TBC1D22A: variants seen among roughly 807,000 people sequenced by gnomAD.
The protein encoded by TBC1D22A is putative GTPase activator.
In TBC1D22A, 38 loss-of-function variants were observed where a neutral mutation model predicts 60.2. The observed-to-expected ratio is 0.63, with a 90% CI of 0.49 to 0.83. The LOEUF is 0.83. TBC1D22A is among the 40% of genes least tolerant of loss of function. TBC1D22A has a pLI of 0.00. For missense variants in TBC1D22A, 628 were observed against 701.0 expected (o/e 0.90, Z 1.18); for synonymous variants, 302 against 281.7 (o/e 1.07, Z -0.72).
At chr22:46,813,591 A>G (rs2085471379) in intron 4 of TBC1D22A, among the ~76,000 whole-genome samples, 1 of 152,236 alleles carries the variant, frequency 6.6e-6, no homozygotes, top group African/African-American at 2.4e-5. Context: ...GGGGACCCAA[A>G]GGCTTCTGCT....
At chr22:47,109,535 GC>G (rs2065768001) in intron 11 of TBC1D22A, among the ~76,000 whole-genome samples, 1 of 152,124 alleles carries the variant, frequency 6.6e-6, no homozygotes, top group Admixed American at 6.5e-5. Context: ...CGAATCACTA[GC>G]CACTCTCTGG....
At chr22:46,785,561 T>A (rs10222212) in intron 1 of TBC1D22A, among the ~76,000 whole-genome samples, 1,620 of 152,348 alleles carry the variant, frequency 0.011, 22 homozygotes, top group African/African-American at 0.036. Flanking sequence ...GCATGTTTAT[T>A]GCCTCTAGAA....
At chr22:46,961,040 G>A (rs901156692) in intron 8 of TBC1D22A, among the ~76,000 whole-genome samples, 2 of 148,408 alleles carry the variant, frequency 1.3e-5, no homozygotes, top group Non-Finnish European at 3.0e-5. Context: ...AACAAAACCC[G>A]TGCCCAGGAC....
chr22:46,894,157 C>T (rs756382028), intron 6 of TBC1D22A, among the ~76,000 whole-genome samples: 5 of 152,146 alleles, frequency 3.3e-5, no homozygotes, highest in Admixed American at 2.0e-4. Flanking sequence ...CGTGGGATGT[C>T]GGGAGCCTGC....
chr22:46,804,721 G>A (rs2085054824), intron 4 of TBC1D22A, among the ~76,000 whole-genome samples: 1 of 152,190 alleles, frequency 6.6e-6, no homozygotes, highest in Non-Finnish European at 1.5e-5. Context: ...CCATAGTAAT[G>A]TAAATCTTCA....
At chr22:47,057,089 C>T (rs1030040462) in intron 11 of TBC1D22A, among the ~76,000 whole-genome samples, 1 of 152,224 alleles carries the variant, frequency 6.6e-6, no homozygotes, top group African/African-American at 2.4e-5. Flanking sequence ...GGCATTCTGG[C>T]CTGGGAGTCA....
intron 11 of TBC1D22A, among the ~76,000 whole-genome samples, chr22:47,106,923 C>A (rs1206600384): frequency 6.6e-6 from 1 of 152,114 alleles, no homozygotes; most frequent in Non-Finnish European, 1.5e-5. Flanking sequence ...CAGAGCGAGA[C>A]TCCATCTCAA....
chr22:47,029,245 C>T (rs1443138764), intron 10 of TBC1D22A, among the ~76,000 whole-genome samples: 1 of 140,002 alleles, frequency 7.1e-6, no homozygotes, highest in African/African-American at 2.8e-5. Context: ...AGGGACACAG[C>T]GCTTCCATAC....
chr22:47,151,762 G>A (rs531506705), intron 12 of TBC1D22A, among the ~76,000 whole-genome samples: 2 of 152,360 alleles, frequency 1.3e-5, no homozygotes, highest in South Asian at 4.1e-4. Flanking sequence ...TGGGGTTGAA[G>A]AAGACCCCTG....
intron 7 of TBC1D22A, among the ~76,000 whole-genome samples, chr22:46,908,273 G>T (rs1226529023): frequency 1.3e-5 from 2 of 152,152 alleles, no homozygotes; most frequent in South Asian, 2.1e-4. Flanking sequence ...CACGCATCTG[G>T]GGTGTGCTAT....
Position 46,976,831 on chromosome 22 carries a change from C to T in TBC1D22A, c.1125+2432C>T, listed in dbSNP as rs743606. Among the ~76,000 whole-genome samples, 1,447 of 152,294 alleles carry T rather than the reference C, an allele frequency of 9.5e-3. 24 individuals are homozygous for T. The highest frequency in any genetic ancestry group is 0.033 in the African/African-American group (1,380 of 41,564). On this transcript the variant is annotated intron_variant, in intron 9 of 12. Coordinates refer to ENST00000337137, the MANE Select transcript of TBC1D22A (RefSeq NM_014346.5). ...TGTTTGTTCATCGGCTCTGTGGCAG[C>T]CGTCCACGCCGTTGCTGCAGAGGCT...
intron 5 of TBC1D22A, among the ~76,000 whole-genome samples, chr22:46,883,226 G>C (rs2067939248): frequency 6.6e-6 from 1 of 152,168 alleles, no homozygotes; most frequent in African/African-American, 2.4e-5. Flanking sequence ...TATTGAGGTA[G>C]GTTTGCATAG....
intron 8 of TBC1D22A, among the ~76,000 whole-genome samples, chr22:46,920,425 A>G (rs1256520753): frequency 6.6e-6 from 1 of 152,160 alleles, no homozygotes; most frequent in Non-Finnish European, 1.5e-5. Context: ...GTCATGTCCT[A>G]TGACAATTAT....
At chr22:46,916,937 A>G (rs987815089) in intron 8 of TBC1D22A, among the ~76,000 whole-genome samples, 9 of 152,188 alleles carry the variant, frequency 5.9e-5, no homozygotes, top group Admixed American at 3.3e-4. Context: ...TAAATTTCAG[A>G]GGTTGAAGCC....
intron 4 of TBC1D22A, among the ~76,000 whole-genome samples, chr22:46,864,972 C>G (rs1449067531): frequency 6.6e-6 from 1 of 152,216 alleles, no homozygotes; most frequent in African/African-American, 2.4e-5. Context: ...CATCACTGTG[C>G]TTGACTTTCA....
chr22:46,905,094 CTGT>C (rs2069365361), intron 7 of TBC1D22A, among the ~76,000 whole-genome samples: 1 of 152,360 alleles, frequency 6.6e-6, no homozygotes, highest in Non-Finnish European at 1.5e-5. Flanking sequence ...TTTAAAGCCT[CTGT>C]GGCTTTCAGA....
intron 12 of TBC1D22A, among the ~76,000 whole-genome samples, chr22:47,141,167 A>G (rs914855343): frequency 6.6e-6 from 1 of 152,198 alleles, no homozygotes; most frequent in Non-Finnish European, 1.5e-5. Flanking sequence ...TAAAACCATC[A>G]GATCTCGTGA....
chr22:46,784,178 AGGGGCTCC>A (rs898515368), intron 1 of TBC1D22A, among the ~76,000 whole-genome samples: 1 of 152,052 alleles, frequency 6.6e-6, no homozygotes, highest in Non-Finnish European at 1.5e-5. Context: ...TGTGAGTGGC[AGGGGCTCC>A]AGGTACATGC....
intron 4 of TBC1D22A, among the ~76,000 whole-genome samples, chr22:46,872,952 A>G (rs1458927723): frequency 6.6e-6 from 1 of 152,214 alleles, no homozygotes; most frequent in South Asian, 2.1e-4. Flanking sequence ...CGAATGAGCC[A>G]TATGAACCTG....
Sources: gnomAD v4.1 joint callset for allele counts (sites outside exome capture counted in the v4.1 genomes callset) on GRCh38, gnomAD v4.1.1 for gene constraint, MANE v1.5 for transcripts, NCBI Gene and HGNC (gene_info 2026-07-23, HGNC 2026-07-21) for gene names.